The following BRF1 variants were observed in gnomAD, a reference collection of about 807,000 sequenced individuals.
BRF1 encodes transcription factor IIIB 90 kDa subunit.
BRF1 carries 59 observed loss-of-function variants against 81.7 expected under a neutral mutation model. The observed-to-expected ratio is 0.72, with a 90% CI of 0.59 to 0.90. BRF1 has a LOEUF of 0.90. Among genes scored for constraint, BRF1 ranks in the 40% least tolerant of loss-of-function variants. The pLI, the probability that BRF1 is intolerant of heterozygous loss-of-function variation, is 0.00. For synonymous variants in BRF1, 491 were observed against 395.6 expected (o/e 1.24, Z -2.86); for missense variants, 1,050 against 936.3 (o/e 1.12, Z -1.58).
chr14:105,214,201 T>TG (rs587672569), intron 15 of BRF1, among the ~76,000 whole-genome samples: 105 of 152,298 alleles, frequency 6.9e-4, no homozygotes, highest in African/African-American at 2.3e-3. Flanking sequence ...GCTCATCTGG[T>TG]GGGCCCCCAC....
At chr14:105,245,581 A>G (rs1307883321) in intron 5 of BRF1, among the ~76,000 whole-genome samples, 1 of 151,982 alleles carries the variant, frequency 6.6e-6, no homozygotes, top group Non-Finnish European at 1.5e-5. Context: ...AGAACAGGAC[A>G]GGACAGGACA....
At chr14:105,228,096 G>A (rs1249265803) in intron 7 of BRF1, 2 of 152,178 alleles carry the variant, frequency 1.3e-5, no homozygotes, top group East Asian at 3.9e-4. Context: ...ACTGATGCGG[G>A]GACCTCTTAT....
intron 16 of BRF1, chr14:105,211,720 T>G: frequency 5.9e-6 from 2 of 340,384 alleles, no homozygotes; most frequent in East Asian, 6.6e-5. Flanking sequence ...TTCACCCTCG[T>G]TTCCTGGGCC....
intron 4 of BRF1, chr14:105,256,163 A>G: frequency 6.7e-7 from 1 of 1,485,382 alleles, no homozygotes; most frequent in Non-Finnish European, 8.9e-7. Flanking sequence ...GTCAAAAGAA[A>G]TAATCTCCTA....
rs982064059 is a variant in BRF1, at chr14:105,243,118, AAAAC to A, written c.545-1708_545-1705del. Among the ~76,000 whole-genome samples, 102 of 149,536 alleles carry A rather than the reference AAAAC, an allele frequency of 6.8e-4. 1 individual carries two copies. Among genetic ancestry groups the A allele is most frequent in the African/African-American group, 2.2e-3 (90 of 40,510 alleles). ...ATGACAGAGTGAGACTCTGTCTCAA[AAAAC>A]AAACAAACAAACAAACAAAAAAATT... On this transcript the variant is annotated intron_variant, in intron 5 of 17. Coordinates refer to ENST00000547530, the MANE Select transcript of BRF1 (RefSeq NM_001519.4).
chr14:105,219,905 G>T lies in BRF1; in HGVS notation c.1377+164C>A, dbSNP rs1156579216. On this transcript the variant is annotated intron_variant, in intron 12 of 17. Transcript: ENST00000547530. ...CCGACACTGGAGAAGAGAGTGTGGG[G>T]GGGGGTCCCGGGAACAGTGGCCAGA... is the stretch of plus-strand genomic sequence containing the variant. 7.1e-5 allele frequency: 52 copies of T among 732,182 alleles called. 1 individual carries two copies. The East Asian group carries it at 1.4e-3, about 19-fold the overall frequency. The allele number at this position is 732,182 out of a possible 1,614,324, so 45.4% of individuals were successfully genotyped here. A position where few individuals can be genotyped will look rare whatever the true frequency, so the allele number is the denominator to read the frequency against.
chr14:105,299,624 T>G (rs2057898102), intron 1 of BRF1, among the ~76,000 whole-genome samples: 1 of 152,108 alleles, frequency 6.6e-6, no homozygotes, highest in African/African-American at 2.4e-5. Flanking sequence ...CAAAGAGGAT[T>G]CGGGCATGGC....
Position 105,221,738 on chromosome 14 carries a change from C to G in BRF1, c.1225G>C (p.Gly409Arg). 1.2e-6 allele frequency: 2 copies of G among 1,610,478 alleles called. No homozygotes were observed. Among genetic ancestry groups the G allele is most frequent in the East Asian group, 4.5e-5 (2 of 44,840 alleles). ...PEWGGRPPAL[G>R]SLLDPLPTAA... Reference sequence around the variant, plus strand: ...GTGGGGAGGGGGTCCAGCAGGGACCCCAGGGCCGGAGGTCTGCCGCCCCAC... The same window carrying G: ...GTGGGGAGGGGGTCCAGCAGGGACCGCAGGGCCGGAGGTCTGCCGCCCCAC... The change falls in exon 11 of 18, where the codon GGG becomes CGG. Residue 409 changes from glycine to arginine, a missense_variant. Physicochemically the swap from Gly to Arg is moderately radical, Grantham distance 125. Transcript: ENST00000547530.
At chr14:105,295,776 T>C (rs1465379969) in intron 1 of BRF1, among the ~76,000 whole-genome samples, 1 of 149,568 alleles carries the variant, frequency 6.7e-6, no homozygotes, top group Non-Finnish European at 1.5e-5. Flanking sequence ...AGTGAGACTT[T>C]GTCCCAGAAA....
In BRF1 at chr14:105,209,907, G is replaced by A. The variant is rs927447021; in HGVS notation, c.*644C>T. 22 of 400,818 alleles carry A rather than the reference G, an allele frequency of 5.5e-5. No homozygotes were observed. The South Asian group carries it at 5.5e-4, about 10-fold the overall frequency. 24.8% of individuals were successfully genotyped at this position (400,818 alleles called of 1,614,324 possible). The stretch of plus-strand genomic sequence containing the variant: ...TGCTGCTCCAGGCGGTGCAGGCAGC[G>A]GGGAGGGGGGTCTGGAGGAGGCAGG... On this transcript the variant is annotated 3_prime_UTR_variant, in exon 18 of 18. Transcript: ENST00000547530.
intron 6 of BRF1, among the ~76,000 whole-genome samples, chr14:105,229,577 G>C (rs1270317109): frequency 6.6e-6 from 1 of 152,242 alleles, no homozygotes; most frequent in Non-Finnish European, 1.5e-5. Context: ...CAAAGTGAGA[G>C]TCTGAGTGAC....
At position 105,284,730 on chromosome 14, in the gene BRF1, T is replaced by C. The variant is rs955668635; in HGVS notation, c.265+1566A>G. 1.3e-5 allele frequency among the ~76,000 whole-genome samples: 2 copies of C among 152,158 alleles called. No individual in the cohort carries two copies. Among genetic ancestry groups the C allele is most frequent in the African/African-American group, 4.8e-5 (2 of 41,426 alleles). On this transcript the variant is annotated intron_variant, in intron 2 of 17. Transcript: ENST00000547530. The surrounding 1 kb of genome is among the most constrained non-coding windows in gnomAD (Gnocchi z 4.0). Reference sequence around the variant, plus strand: ...ACACTCAATGGTGAAGACTGGATGCTTCCCCAGGATCAAGGACAAGAGGAT... The same window carrying C: ...ACACTCAATGGTGAAGACTGGATGCCTCCCCAGGATCAAGGACAAGAGGAT...
At chr14:105,307,769 G>A (rs2058231806) in intron 1 of BRF1, among the ~76,000 whole-genome samples, 1 of 152,232 alleles carries the variant, frequency 6.6e-6, no homozygotes, top group African/African-American at 2.4e-5. Flanking sequence ...TAGCACTGCG[G>A]AGTATGATGG....
chr14:105,309,732 A>AGGT lies in BRF1; in HGVS notation c.-162+5587_-162+5589dup, dbSNP rs1387460908. On this transcript the variant is annotated intron_variant, in intron 1 of 17. Coordinates refer to the BRF1 transcript ENST00000327359. This position sits in a 1 kb window ranked among gnomAD's most constrained non-coding sequence, Gnocchi z 4.0. Reference sequence around the variant, plus strand: ...GTCATCACGACCTTAGGTCTGTATTAGGTCTAGATTAGCCTGCATTAAGGA... The same window carrying AGGT: ...GTCATCACGACCTTAGGTCTGTATTAGGTGGTCTAGATTAGCCTGCATTAAGGA... Among the ~76,000 whole-genome samples the AGGT allele has an allele frequency of 7.2e-6, 1 of 139,506 alleles. No individual in the cohort carries two copies. The highest frequency in any genetic ancestry group is 2.5e-4 in the East Asian group (1 of 4,036). The allele number at this position is 139,506 out of a possible 152,430, so 91.5% of individuals were successfully genotyped here. A position where few individuals can be genotyped will look rare whatever the true frequency, so the allele number is the denominator to read the frequency against.
At chr14:105,214,388 G>A (rs1157269462) in intron 15 of BRF1, among the ~76,000 whole-genome samples, 2 of 152,210 alleles carry the variant, frequency 1.3e-5, no homozygotes, top group East Asian at 1.9e-4. Context: ...AAGCTCGGAG[G>A]GAGCGGCTGC....
intron 4 of BRF1, 52 bp downstream of exon 4, chr14:105,256,466 C>A: frequency 3.1e-6 from 5 of 1,613,998 alleles, no homozygotes; most frequent in Non-Finnish European, 2.5e-6. Context: ...CTGGTCACAA[C>A]CCCCAGGTCA....
At position 105,269,894 on chromosome 14, in the gene BRF1, G is replaced by A. The variant is rs2056587680; in HGVS notation, c.439+2827C>T. ...ACACAGCTCCTACAAACACAAGGGA[G>A]GCAGGGCCATGGGCTGACCCTGGGC... On this transcript the variant is annotated intron_variant, in intron 3 of 17. Coordinates refer to ENST00000547530, the MANE Select transcript of BRF1 (RefSeq NM_001519.4). This position sits in a 1 kb window ranked among gnomAD's most constrained non-coding sequence, Gnocchi z 5.0. Among the ~76,000 whole-genome samples, 1 of 152,204 alleles carries A rather than the reference G, an allele frequency of 6.6e-6. No homozygotes were observed. The highest frequency in any genetic ancestry group is 1.5e-5 in the Non-Finnish European group (1 of 68,028).
intron 5 of BRF1, chr14:105,249,250 G>A (rs966289136): frequency 6.4e-7 from 1 of 1,569,578 alleles, no homozygotes; most frequent in Non-Finnish European, 8.6e-7. Flanking sequence ...CCCACAAGGT[G>A]GGTAGCGGCG....
intron 1 of BRF1, among the ~76,000 whole-genome samples, chr14:105,288,630 T>C (rs1235332223): frequency 6.7e-6 from 1 of 149,436 alleles, no homozygotes; most frequent in African/African-American, 2.5e-5. Context: ...TCTTTCTTTC[T>C]TTCTTTCTTT....
Sources: gnomAD v4.1 joint callset for allele counts (sites outside exome capture counted in the v4.1 genomes callset) on GRCh38, gnomAD v4.1.1 for gene constraint, Gnocchi (gnomAD v3.1) non-coding constraint, MANE v1.5 for transcripts, NCBI Gene and HGNC (gene_info 2026-07-23, HGNC 2026-07-21) for gene names.